Variants in GALNTL6 observed in about 807,000 individuals in gnomAD.
GALNTL6 encodes polypeptide N-acetylgalactosaminyltransferase-like 6.
Under a neutral mutation model 73.7 loss-of-function variants are expected in GALNTL6, and 46 were observed. That is an observed-to-expected ratio of 0.62 (90% CI 0.49 to 0.80). GALNTL6 has a LOEUF of 0.80. Ranked by LOEUF, GALNTL6 falls within the 30% of genes least tolerant of loss-of-function variation. GALNTL6 has a pLI of 0.00. For synonymous variants in GALNTL6, 259 were observed against 263.7 expected (o/e 0.98, Z 0.17); for missense variants, 604 against 755.0 (o/e 0.80, Z 2.34).
chr4:172,227,448 G>A (rs909310492), intron 2 of GALNTL6, among the ~76,000 whole-genome samples: 1 of 152,150 alleles, frequency 6.6e-6, no homozygotes, highest in Non-Finnish European at 1.5e-5. Flanking sequence ...ATGGGTGGGA[G>A]TACAGTGGAT....
chr4:171,984,366 C>T (rs1740001922), intron 2 of GALNTL6, among the ~76,000 whole-genome samples: 1 of 152,142 alleles, frequency 6.6e-6, no homozygotes, highest in African/African-American at 2.4e-5. Context: ...AGAAAGCAGG[C>T]ACTTTTAAAA....
chr4:171,861,850 G>A (rs972503592), intron 2 of GALNTL6, among the ~76,000 whole-genome samples: 4 of 151,982 alleles, frequency 2.6e-5, no homozygotes, highest in Non-Finnish European at 4.4e-5. Flanking sequence ...TTACAAAATC[G>A]CTTATATTAT....
chr4:172,704,698 G>A (rs1734221891), intron 5 of GALNTL6, among the ~76,000 whole-genome samples: 1 of 151,948 alleles, frequency 6.6e-6, no homozygotes, highest in African/African-American at 2.4e-5. Context: ...TTAAACGTTG[G>A]TTAGGTTCAT....
intron 5 of GALNTL6, among the ~76,000 whole-genome samples, chr4:172,777,223 C>T (rs903932675): frequency 3.3e-5 from 5 of 152,106 alleles, no homozygotes; most frequent in Non-Finnish European, 5.9e-5. Flanking sequence ...TGTGTATACT[C>T]TTTACAGGCA....
chr4:172,243,102 A>G (rs1480356948), intron 3 of GALNTL6, among the ~76,000 whole-genome samples: 1 of 152,182 alleles, frequency 6.6e-6, no homozygotes, highest in Non-Finnish European at 1.5e-5. Flanking sequence ...ACTCTTACTG[A>G]TTGGTGTTCA....
At chr4:172,435,470 G>A (rs189935108) in intron 5 of GALNTL6, among the ~76,000 whole-genome samples, 15 of 152,228 alleles carry the variant, frequency 9.9e-5, no homozygotes, top group African/African-American at 3.4e-4. Flanking sequence ...TCTGTGAGAC[G>A]TTGATGAGTG....
At chr4:172,954,445 A>G (rs1749613540) in intron 10 of GALNTL6, among the ~76,000 whole-genome samples, 1 of 152,202 alleles carries the variant, frequency 6.6e-6, no homozygotes, top group Admixed American at 6.5e-5. Flanking sequence ...TCCGGCTTAA[A>G]CAATGAGACG....
At chr4:172,638,401 T>TG (rs1055390148) in intron 5 of GALNTL6, among the ~76,000 whole-genome samples, 1 of 152,052 alleles carries the variant, frequency 6.6e-6, no homozygotes, top group African/African-American at 2.4e-5. Context: ...TGTAAGGAAG[T>TG]GGGGTGGGGC....
intron 5 of GALNTL6, among the ~76,000 whole-genome samples, chr4:172,632,226 G>T (rs967202405): frequency 8.5e-5 from 13 of 152,346 alleles, no homozygotes; most frequent in Non-Finnish European, 1.8e-4. Flanking sequence ...CTGCTGTAAA[G>T]ACAGCCAAAA....
Position 171,967,447 on chromosome 4 carries a change from G to GTTTTTTTTTTTTT in GALNTL6, c.138+152735_138+152747dup, listed in dbSNP as rs759348628. 3.5e-4 allele frequency among the ~76,000 whole-genome samples: 5 copies of GTTTTTTTTTTTTT among 14,348 alleles called. No homozygotes were observed. In the East Asian group the frequency reaches 6.9e-3, roughly 20 times the overall value. 9.4% of individuals were successfully genotyped at this position (14,348 alleles called of 152,430 possible). ...GATTGTAGTTTTCTTCCCCCTATGG[G>GTTTTTTTTTTTTT]TTTTTTTTTTTTTTTTTTGTAGATG... On this transcript the variant is annotated intron_variant, in intron 2 of 12. Transcript: ENST00000506823.
intron 3 of GALNTL6, among the ~76,000 whole-genome samples, chr4:172,294,552 T>C (rs1013185215): frequency 2.0e-5 from 3 of 152,088 alleles, no homozygotes; most frequent in African/African-American, 7.3e-5. Context: ...CAAGCACTTC[T>C]TGGGAATAAA....
chr4:171,918,220 A>C (rs1227930846), intron 2 of GALNTL6, among the ~76,000 whole-genome samples: 1 of 152,152 alleles, frequency 6.6e-6, no homozygotes. Flanking sequence ...TATACATGAG[A>C]ATAAAAATGA....
chr4:172,596,992 A>C (rs2111013979), intron 5 of GALNTL6, among the ~76,000 whole-genome samples: 1 of 152,294 alleles, frequency 6.6e-6, no homozygotes, highest in Admixed American at 6.5e-5. Context: ...AAATACAGTA[A>C]TTTGAGGGAA....
At chr4:172,888,799 G>A (rs972849199) in intron 8 of GALNTL6, among the ~76,000 whole-genome samples, 6 of 152,144 alleles carry the variant, frequency 3.9e-5, no homozygotes, top group Non-Finnish European at 5.9e-5. Context: ...TGTGAAAAAC[G>A]ACATTGGTAA....
At chr4:172,870,286 T>G (rs2111161519) in intron 7 of GALNTL6, among the ~76,000 whole-genome samples, 1 of 152,294 alleles carries the variant, frequency 6.6e-6, no homozygotes, top group Non-Finnish European at 1.5e-5. Flanking sequence ...AGACAGATTT[T>G]GAAAGCCTGG....
chr4:172,240,815 C>T (rs1300209041), intron 3 of GALNTL6, among the ~76,000 whole-genome samples: 1 of 152,106 alleles, frequency 6.6e-6, no homozygotes, highest in African/African-American at 2.4e-5. Flanking sequence ...ACCTTCATTC[C>T]TATCCATATT....
chr4:172,700,354 G>A (rs538083115), intron 5 of GALNTL6, among the ~76,000 whole-genome samples: 7 of 152,240 alleles, frequency 4.6e-5, no homozygotes, highest in African/African-American at 1.4e-4. Flanking sequence ...AAAACAACAT[G>A]AAGGAATGTT....
intron 5 of GALNTL6, among the ~76,000 whole-genome samples, chr4:172,367,598 C>T (rs1488332327): frequency 6.6e-6 from 1 of 152,128 alleles, no homozygotes; most frequent in Admixed American, 6.5e-5. Flanking sequence ...TTCTATCTGG[C>T]ATTGAATATA....
chr4:172,125,843 T>G (rs1306909498), intron 2 of GALNTL6, among the ~76,000 whole-genome samples: 1 of 127,274 alleles, frequency 7.9e-6, no homozygotes, highest in East Asian at 2.0e-4. Flanking sequence ...TCCATCATGT[T>G]TCTACTTACT....
Sources: allele counts gnomAD v4.1 joint callset (sites outside exome capture counted in the v4.1 genomes callset), GRCh38; gene constraint gnomAD v4.1.1; transcripts MANE v1.5; gene names NCBI Gene and HGNC (gene_info 2026-07-23, HGNC 2026-07-21).